GNAQ: variants seen among roughly 807,000 people sequenced by gnomAD.
GNAQ encodes guanine nucleotide-binding protein G(q) subunit alpha.
GNAQ carries 8 observed loss-of-function variants against 43.9 expected under a neutral mutation model. That is an observed-to-expected ratio of 0.18 (90% CI 0.11 to 0.33). The LOEUF (loss-of-function observed/expected upper bound fraction) is 0.33, where lower values mean the gene tolerates loss of function less well. Ranked by LOEUF, GNAQ falls within the 10% of genes least tolerant of loss-of-function variation. GNAQ has a pLI of 1.00. For synonymous variants in GNAQ, 155 were observed against 170.7 expected (o/e 0.91, Z 0.71); for missense variants, 158 against 450.8 (o/e 0.35, Z 5.88).
chr9:77,922,542 C>T (rs1221202743), intron 1 of GNAQ, among the ~76,000 whole-genome samples, 197 bp from the exon 2 acceptor site: 6 of 152,100 alleles, frequency 3.9e-5, no homozygotes, highest in African/African-American at 1.4e-4. Context: ...GGCAGATGAC[C>T]TCAAACAACA....
At chr9:77,812,960 G>A (rs1826951361) in intron 3 of GNAQ, among the ~76,000 whole-genome samples, 1 of 151,600 alleles carries the variant, frequency 6.6e-6, no homozygotes, top group Admixed American at 6.6e-5. Flanking sequence ...TGGAGTGCAG[G>A]GGCATGATTG....
chr9:77,775,444 CTATCA>C (rs1826292699), intron 5 of GNAQ, among the ~76,000 whole-genome samples: 1 of 140,726 alleles, frequency 7.1e-6, no homozygotes, highest in Non-Finnish European at 1.5e-5. Flanking sequence ...GAGTCTCGCT[CTATCA>C]CCCAGGCTGG....
chr9:77,826,302 A>G (rs1370199448), intron 2 of GNAQ, among the ~76,000 whole-genome samples: 1 of 152,170 alleles, frequency 6.6e-6, no homozygotes, highest in Non-Finnish European at 1.5e-5. Context: ...CCAACTCCCC[A>G]TAACGCTGGT....
At chr9:77,929,070 T>A (rs973694027) in intron 1 of GNAQ, among the ~76,000 whole-genome samples, 2 of 152,204 alleles carry the variant, frequency 1.3e-5, no homozygotes, top group African/African-American at 2.4e-5. Context: ...TATCTCAATT[T>A]AAAAATTTTT....
At chr9:77,732,598 T>C (rs1825512423) in intron 5 of GNAQ, among the ~76,000 whole-genome samples, 1 of 152,144 alleles carries the variant, frequency 6.6e-6, no homozygotes, top group African/African-American at 2.4e-5. Flanking sequence ...ACTCCTGACC[T>C]CAAGTGATCT....
rs2118218098 is a variant in GNAQ at position 77,728,626 on chromosome 9, G to A, written c.777C>T (p.Ile259=). The stretch of plus-strand genomic sequence containing the variant: ...AGGAGTTCTGGAACCAGGGGTATGT[G>A]ATAATTGTTCTAAAGAGAGCCTTGC... ...EESKALFRTI[I]TYPWFQNSSV... The change falls in exon 6 of 7, where the codon ATC becomes ATT. Residue 259 remains isoleucine, a synonymous_variant. Coordinates refer to ENST00000286548, the MANE Select transcript of GNAQ (RefSeq NM_002072.5). The A allele has an allele frequency of 6.3e-7, 1 of 1,597,702 alleles. No individual in the cohort carries two copies. Among genetic ancestry groups the A allele is most frequent in the Non-Finnish European group, 8.6e-7 (1 of 1,166,588 alleles).
At chr9:77,724,952 C>A (rs1431503812) in intron 6 of GNAQ, among the ~76,000 whole-genome samples, 1 of 151,888 alleles carries the variant, frequency 6.6e-6, no homozygotes, top group Non-Finnish European at 1.5e-5. Flanking sequence ...CTATTCAAAA[C>A]CAGAAAGTAA....
intron 2 of GNAQ, among the ~76,000 whole-genome samples, chr9:77,849,442 G>T (rs75233182): frequency 6.6e-6 from 1 of 152,218 alleles, no homozygotes; most frequent in East Asian, 1.9e-4. Context: ...GCCATGTGGG[G>T]TCTACAACTA....
At chr9:77,876,691 A>C (rs1828130449) in intron 2 of GNAQ, among the ~76,000 whole-genome samples, 1 of 152,138 alleles carries the variant, frequency 6.6e-6, no homozygotes, top group Non-Finnish European at 1.5e-5. Flanking sequence ...TATCTCTTTG[A>C]GCCTCCTAAT....
chr9:77,866,291 A>T (rs1394893459), intron 2 of GNAQ, among the ~76,000 whole-genome samples: 1 of 152,200 alleles, frequency 6.6e-6, no homozygotes, highest in Non-Finnish European at 1.5e-5. Flanking sequence ...CAGCCTGGCC[A>T]ACATGGTGAA....
intron 1 of GNAQ, among the ~76,000 whole-genome samples, chr9:77,985,894 T>C (rs1052137559): frequency 1.3e-5 from 2 of 152,204 alleles, no homozygotes; most frequent in Admixed American, 1.3e-4. Flanking sequence ...GGCCTAAGTA[T>C]GATTTTTTAA....
chr9:77,939,237 T>C (rs1442401540), intron 1 of GNAQ, among the ~76,000 whole-genome samples: 1 of 152,214 alleles, frequency 6.6e-6, no homozygotes, highest in Non-Finnish European at 1.5e-5. Context: ...TTTATAGCAA[T>C]GGCCATGAAA....
chr9:77,800,837 C>CTGAA (rs1826733752), intron 3 of GNAQ, among the ~76,000 whole-genome samples: 1 of 152,090 alleles, frequency 6.6e-6, no homozygotes, highest in African/African-American at 2.4e-5. Flanking sequence ...TTTGAAAAAC[C>CTGAA]TGAATGTACA....
At chr9:77,978,263 A>T (rs1249638172) in intron 1 of GNAQ, among the ~76,000 whole-genome samples, 3 of 152,190 alleles carry the variant, frequency 2.0e-5, no homozygotes, top group Admixed American at 6.5e-5. Context: ...CCCCGTATCT[A>T]ACTCATTCAC....
chr9:78,029,271 G>A (rs1249907877), intron 1 of GNAQ, among the ~76,000 whole-genome samples: 1 of 151,576 alleles, frequency 6.6e-6, no homozygotes, highest in Non-Finnish European at 1.5e-5. Context: ...CAGAAACAAA[G>A]ACTGTCAACA....
At chr9:77,988,541 T>G (rs916261054) in intron 1 of GNAQ, among the ~76,000 whole-genome samples, 1 of 152,218 alleles carries the variant, frequency 6.6e-6, no homozygotes, top group Non-Finnish European at 1.5e-5. Context: ...GACAGACAGA[T>G]CTGATTCCAA....
intron 1 of GNAQ, among the ~76,000 whole-genome samples, chr9:77,937,442 T>A (rs186860345): frequency 6.6e-6 from 1 of 151,762 alleles, no homozygotes; most frequent in Non-Finnish European, 1.5e-5. Context: ...CATCTCAAAA[T>A]AAATAAATAA....
intron 2 of GNAQ, among the ~76,000 whole-genome samples, chr9:77,862,008 T>G (rs1330932350): frequency 5.3e-4 from 63 of 118,064 alleles, no homozygotes; most frequent in Middle Eastern, 4.5e-3. Flanking sequence ...CTGTCTGGGG[T>G]AAAAAAAAAA....
intron 1 of GNAQ, among the ~76,000 whole-genome samples, chr9:77,932,951 G>A (rs1184522088): frequency 1.3e-5 from 2 of 152,126 alleles, no homozygotes; most frequent in Non-Finnish European, 2.9e-5. Context: ...GAAAAAGGGA[G>A]GAGATGACAT....
Sources: allele counts gnomAD v4.1 joint callset (sites outside exome capture counted in the v4.1 genomes callset), GRCh38; gene constraint gnomAD v4.1.1; transcripts MANE v1.5; gene names NCBI Gene and HGNC (gene_info 2026-07-23, HGNC 2026-07-21).